The following SHBG variants were observed in gnomAD, a reference collection of about 807,000 sequenced individuals.
SHBG encodes the protein sex hormone-binding globulin.
In SHBG, 37 loss-of-function variants were observed where a neutral mutation model predicts 41.9. That is an observed-to-expected ratio of 0.88 (90% CI 0.68 to 1.16). The LOEUF is 1.16. Among genes scored for constraint, SHBG ranks in the 50% most tolerant of loss-of-function variants. The pLI is 0.00. For synonymous variants in SHBG, 217 were observed against 205.8 expected (o/e 1.05, Z -0.47); for missense variants, 466 against 499.9 (o/e 0.93, Z 0.65).
At chr17:7,627,882 A>G (rs949754811), upstream of SHBG, 1 of 628,994 alleles carries the variant, frequency 1.6e-6, no homozygotes, top group Admixed American at 2.3e-5. The surrounding 1 kb of genome is among the most constrained non-coding windows in gnomAD (Gnocchi z 4.8). Flanking sequence ...ATTCTGTCGC[A>G]GCAGGGGGCA....
At chr17:7,629,467 A>G (rs1447803854), upstream of SHBG, among the ~76,000 whole-genome samples, 1 of 152,064 alleles carries the variant, frequency 6.6e-6, no homozygotes, top group Non-Finnish European at 1.5e-5. Context: ...GCCCTGTAAT[A>G]AATGGATAAG....
At chr17:7,627,747 G>C (rs1446818710), upstream of SHBG, 2 of 1,262,874 alleles carry the variant, frequency 1.6e-6, no homozygotes, top group Non-Finnish European at 2.3e-6. The surrounding 1 kb of genome is among the most constrained non-coding windows in gnomAD (Gnocchi z 4.8). Flanking sequence ...CGGGGTGGCG[G>C]GAGTCGGGGG....
chr17:7,627,893 C>T, upstream of SHBG: 1 of 618,638 alleles, frequency 1.6e-6, no homozygotes. This position sits in a 1 kb window ranked among gnomAD's most constrained non-coding sequence, Gnocchi z 4.8. Context: ...GCAGGGGGCA[C>T]AACTGTCAGC....
At chr17:7,626,352 G>T, upstream of SHBG, 1 of 1,380,924 alleles carries the variant, frequency 7.2e-7, no homozygotes, top group Non-Finnish European at 1.0e-6. Context: ...CTCCAGGGAG[G>T]CCTCAGCATC....
At chr17:7,615,358 A>C (rs573449848) in intron 1 of SHBG, among the ~76,000 whole-genome samples, 95 of 152,146 alleles carry the variant, frequency 6.2e-4, no homozygotes, top group African/African-American at 2.3e-3. Context: ...AAAAAAGAAG[A>C]GGAGTCGCCG....
chr17:7,631,215 G>C lies in SHBG; in HGVS notation c.409G>C (p.Glu137Gln). Residue 137 changes from glutamate (E) to glutamine (Q), a missense_variant, in exon 4 of 8, where the codon GAG becomes CAG. Coordinates refer to ENST00000380450, the MANE Select transcript of SHBG (RefSeq NM_001040.5). ...GRWHQVEVKMEGDSVLLEVDG... is the reference protein window; with the variant it reads ...GRWHQVEVKMQGDSVLLEVDG... ...CTTCCTGCAGGTGGAAGTCAAGATG[G>C]AGGGGGACTCTGTGCTGCTGGAGGT... The C allele has an allele frequency of 6.3e-7, 1 of 1,575,788 alleles. No individual in the cohort carries two copies.
At position 7,633,357 on chromosome 17, in the gene SHBG, C is replaced by T. The variant is rs1026735070; in HGVS notation, c.*5C>T. ...GGCACTGACGCTTCCCATTAAAGCT[C>T]CACCTAAGAACCCCCTTTGAAAGTT... On this transcript the variant is annotated 3_prime_UTR_variant, in exon 8 of 8. Transcript: ENST00000380450. 26 of 1,612,990 alleles carry T rather than the reference C, an allele frequency of 1.6e-5. No homozygotes were observed. Among genetic ancestry groups the T allele is most frequent in the Admixed American group, 1.2e-4 (7 of 59,918 alleles).
At chr17:7,627,760 A>T, upstream of SHBG, 1 of 1,078,048 alleles carries the variant, frequency 9.3e-7, no homozygotes, top group Non-Finnish European at 1.4e-6. This position sits in a 1 kb window ranked among gnomAD's most constrained non-coding sequence, Gnocchi z 4.8. Context: ...GTCGGGGGGG[A>T]CGGCGGGGTA....
chr17:7,614,977 A>G (rs1170818756), intron 1 of SHBG: 1 of 152,420 alleles, frequency 6.6e-6, no homozygotes, highest in Non-Finnish European at 1.5e-5. Context: ...AGCCCCAGCT[A>G]GCGCCAGCTA....
Position 7,633,228 on chromosome 17 carries a change from GCCTGA to G in SHBG, c.1086_1090del (p.Cys362Ter). Reference sequence around the variant, plus strand: ...GGAGAAGACTCTTCCACCTCTTTTTGCCTGAATGGCCTTTGGGCACAAGGTCAGAG... The same window carrying G: ...GGAGAAGACTCTTCCACCTCTTTTTGATGGCCTTTGGGCACAAGGTCAGAG... On this transcript the variant is annotated stop_gained and frameshift_variant, in exon 8 of 8. Coordinates refer to ENST00000380450, the MANE Select transcript of SHBG (RefSeq NM_001040.5). LOFTEE classifies it high-confidence loss of function. The G allele has an allele frequency of 6.2e-7, 1 of 1,614,004 alleles. No homozygotes were observed. Among genetic ancestry groups the G allele is most frequent in the African/African-American group, 1.3e-5 (1 of 74,974 alleles).
chr17:7,626,925 T>G, upstream of SHBG: 1 of 1,612,250 alleles, frequency 6.2e-7, no homozygotes, highest in Non-Finnish European at 8.5e-7. Flanking sequence ...CACCCCAGCC[T>G]CAGCTTCTGC....
intron 1 of SHBG, among the ~76,000 whole-genome samples, chr17:7,619,730 T>G (rs1046224142): frequency 2.0e-5 from 3 of 146,570 alleles, no homozygotes; most frequent in Non-Finnish European, 3.0e-5. Flanking sequence ...AAAAAAAAAG[T>G]AAACACTAAA....
At position 7,631,238 on chromosome 17, in the gene SHBG, G is replaced by A. The variant is rs2072399670; in HGVS notation, c.432G>A (p.Glu144=). ...TGGAGGGGGACTCTGTGCTGCTGGA[G>A]GTGGATGGGGAGGAGGTGCTGCGCC... The part of the protein sequence containing the change: ...VKMEGDSVLL[E]VDGEEVLRLR... Residue 144 remains glutamate (E), a synonymous_variant, in exon 4 of 8, where the codon GAG becomes GAA. Transcript: ENST00000380450. 6.2e-7 allele frequency: 1 copy of A among 1,600,522 alleles called. No homozygotes were observed. The highest frequency in any genetic ancestry group is 8.5e-7 in the Non-Finnish European group (1 of 1,173,718).
upstream of SHBG, chr17:7,627,037 G>A (rs1237894241): frequency 1.9e-6 from 3 of 1,613,818 alleles, no homozygotes; most frequent in Admixed American, 3.3e-5. The surrounding 1 kb of genome is among the most constrained non-coding windows in gnomAD (Gnocchi z 4.8). Context: ...AGCCCACCAC[G>A]CAGGGCCCTG....
intron 1 of SHBG, among the ~76,000 whole-genome samples, chr17:7,616,740 AGC>A (rs2072001055): frequency 1.3e-5 from 2 of 152,052 alleles, no homozygotes; most frequent in South Asian, 4.1e-4. Flanking sequence ...GTTCAAGACC[AGC>A]CTGGCCAACA....
At chr17:7,622,897 C>G (rs975048171) in intron 1 of SHBG, among the ~76,000 whole-genome samples, 1 of 150,630 alleles carries the variant, frequency 6.6e-6, no homozygotes, top group African/African-American at 2.4e-5. Flanking sequence ...ATTAGCTGGG[C>G]GTGGTGGCAG....
At position 7,614,575 on chromosome 17, in the gene SHBG, A is replaced by G. The variant is rs1267560198; in HGVS notation, c.-62+464A>G. ...CGACTCCCCCGGCGGCGGCTGCAGC[A>G]GCAGTCTGAGTGCGGGCCGGGCCAG... On this transcript the variant is annotated intron_variant, in intron 1 of 5. Coordinates refer to the SHBG transcript ENST00000570547. 2.3e-6 allele frequency: 3 copies of G among 1,326,358 alleles called. No homozygotes were observed. In the South Asian group the frequency reaches 4.6e-5, roughly 20 times the overall value. The allele number at this position is 1,326,358 out of a possible 1,614,324, so 82.2% of individuals were successfully genotyped here. A position where few individuals can be genotyped will look rare whatever the true frequency, so the allele number is the denominator to read the frequency against.
At chr17:7,617,056 C>T (rs2072007356) in intron 1 of SHBG, among the ~76,000 whole-genome samples, 1 of 152,098 alleles carries the variant, frequency 6.6e-6, no homozygotes, top group Non-Finnish European at 1.5e-5. Flanking sequence ...ATGTTCCATC[C>T]ACTTCTTGGA....
At chr17:7,617,372 C>T (rs1237818411) in intron 1 of SHBG, among the ~76,000 whole-genome samples, 1 of 151,794 alleles carries the variant, frequency 6.6e-6, no homozygotes, top group East Asian at 1.9e-4. Flanking sequence ...GAGGCTGAGG[C>T]GGGTGGATCA....
Sources: gnomAD v4.1 joint callset for allele counts (sites outside exome capture counted in the v4.1 genomes callset) on GRCh38, gnomAD v4.1.1 for gene constraint, Gnocchi (gnomAD v3.1) non-coding constraint, MANE v1.5 for transcripts, NCBI Gene and HGNC (gene_info 2026-07-23, HGNC 2026-07-21) for gene names.